The following CCDC141 variants were observed in gnomAD, a reference collection of about 807,000 sequenced individuals.
CCDC141 encodes the protein coiled-coil domain containing 141.
CCDC141 carries 168 observed loss-of-function variants against 181.0 expected under a neutral mutation model. That is an observed-to-expected ratio of 0.93 (90% CI 0.82 to 1.05). The LOEUF (loss-of-function observed/expected upper bound fraction) is 1.05. CCDC141 is among the 50% of genes least tolerant of loss of function. The pLI is 0.00. For synonymous variants in CCDC141, 666 were observed against 642.3 expected, an observed-to-expected ratio of 1.04 and a Z score of -0.56; for missense variants, 1,902 against 1,788.5, an observed-to-expected ratio of 1.06 and a Z score of -1.14.
chr2:178,865,643 TCTC>T, intron 17 of CCDC141, 121 bp downstream of exon 17: 1 of 923,366 alleles, frequency 1.1e-6, no homozygotes, highest in Admixed American at 3.1e-5. Flanking sequence ...GAGAAGAAAG[TCTC>T]CTGATTCATT....
chr2:178,848,040 T>C (rs1468314652), intron 21 of CCDC141, among the ~76,000 whole-genome samples: 2 of 152,174 alleles, frequency 1.3e-5, no homozygotes, highest in African/African-American at 4.8e-5. Context: ...GCATTTGGCA[T>C]AGCAGCCAGG....
At chr2:178,997,724 A>G (rs1692350835) in intron 2 of CCDC141, among the ~76,000 whole-genome samples, 1 of 152,194 alleles carries the variant, frequency 6.6e-6, no homozygotes, top group African/African-American at 2.4e-5. Context: ...CAATGGTGGG[A>G]AAACCATTGA....
chr2:179,035,801 A>G (rs2043129247), intron 2 of CCDC141, among the ~76,000 whole-genome samples: 1 of 152,182 alleles, frequency 6.6e-6, no homozygotes, highest in Non-Finnish European at 1.5e-5. Flanking sequence ...AATATGGCAC[A>G]GCATCATCAT....
intron 7 of CCDC141, among the ~76,000 whole-genome samples, chr2:178,910,792 G>T (rs1309365810): frequency 6.6e-6 from 1 of 152,204 alleles, no homozygotes; most frequent in African/African-American, 2.4e-5. Context: ...CTTGTTCCAG[G>T]GTGAATTCAT....
the CCDC141 span, chr2:178,817,468 TAG>T: frequency 2.1e-6 from 1 of 469,116 alleles, no homozygotes; most frequent in Admixed American, 2.4e-5. Flanking sequence ...TAGAAAAACA[TAG>T]AGTTATGAAA....
chr2:178,982,623 C>G (rs189876278), intron 2 of CCDC141, among the ~76,000 whole-genome samples: 1 of 139,034 alleles, frequency 7.2e-6, no homozygotes, highest in Admixed American at 7.8e-5. Flanking sequence ...ATGTGCGAAC[C>G]GAAGCAGAGC....
intron 2 of CCDC141, among the ~76,000 whole-genome samples, chr2:179,015,944 A>C (rs1376000162): frequency 1.5e-5 from 2 of 132,284 alleles, no homozygotes; most frequent in Non-Finnish European, 3.2e-5. Context: ...CATATATATC[A>C]TATATATCTC....
In CCDC141 at chr2:178,888,428, G is replaced by C. The variant is rs1686988171; in HGVS notation, c.1407+99C>G. The C allele has an allele frequency of 3.7e-6, 4 of 1,076,002 alleles. No individual in the cohort carries two copies. The Admixed American group carries it at 6.2e-5, about 17-fold the overall frequency. 66.7% of individuals were successfully genotyped at this position (1,076,002 alleles called of 1,614,324 possible). ...AATGTGGTACATAAGGGCAGCCTAA[G>C]GAGACATGCCCCTGTCCTCCCGCCA... On this transcript the variant is annotated intron_variant, in intron 9 of 23. Coordinates refer to ENST00000443758, the MANE Select transcript of CCDC141 (RefSeq NM_173648.4).
intron 22 of CCDC141, among the ~76,000 whole-genome samples, chr2:178,838,922 C>T (rs759214838): frequency 6.6e-6 from 1 of 152,184 alleles, no homozygotes; most frequent in Non-Finnish European, 1.5e-5. Flanking sequence ...GAAAAGCGAT[C>T]TTATCTATCC....
chr2:178,937,078 T>C (rs200089717), intron 6 of CCDC141, among the ~76,000 whole-genome samples: 2 of 152,158 alleles, frequency 1.3e-5, no homozygotes, highest in Non-Finnish European at 2.9e-5. Flanking sequence ...TGGATGCACT[T>C]TATTTCTTTC....
intron 2 of CCDC141, among the ~76,000 whole-genome samples, chr2:179,015,519 A>ACATATATCT (rs2042474396): frequency 9.9e-6 from 1 of 101,112 alleles, no homozygotes; most frequent in Non-Finnish European, 2.0e-5. Context: ...TATATGTATC[A>ACATATATCT]CATATATCTC....
chr2:178,888,711 T>C (rs771364775), intron 8 of CCDC141, 43 bp from the exon 9 acceptor site: 5 of 1,546,340 alleles, frequency 3.2e-6, no homozygotes, highest in Admixed American at 3.9e-5. Flanking sequence ...CACCCCAATA[T>C]AGAACACAGA....
intron 2 of CCDC141, among the ~76,000 whole-genome samples, chr2:179,000,412 A>G (rs1474909623): frequency 1.3e-5 from 2 of 152,172 alleles, no homozygotes; most frequent in Admixed American, 1.3e-4. Context: ...ATTCTAAAAT[A>G]TTTACCTAAA....
chr2:179,020,889 T>C (rs2042674376), intron 2 of CCDC141, among the ~76,000 whole-genome samples: 1 of 152,170 alleles, frequency 6.6e-6, no homozygotes, highest in South Asian at 2.1e-4. Context: ...GGGTTAGCCA[T>C]AAATGTTGAT....
At chr2:178,880,209 C>G (rs1296817201) in intron 11 of CCDC141, among the ~76,000 whole-genome samples, 2 of 152,204 alleles carry the variant, frequency 1.3e-5, no homozygotes, top group East Asian at 1.9e-4. Context: ...AAATGAGAAC[C>G]ATATTATTAT....
intron 5 of CCDC141, among the ~76,000 whole-genome samples, chr2:178,945,097 T>C (rs1418677978): frequency 6.6e-6 from 1 of 152,176 alleles, no homozygotes; most frequent in Non-Finnish European, 1.5e-5. Flanking sequence ...TGCAGAAATA[T>C]TTAGTTTGCT....
At position 178,878,146 on chromosome 2, in the gene CCDC141, A is replaced by G. The variant is rs750449067; in HGVS notation, c.1720-3T>C. 116 of 1,579,674 alleles carry G rather than the reference A, an allele frequency of 7.3e-5. No homozygotes were observed. Among genetic ancestry groups the G allele is most frequent in the Non-Finnish European group, 9.7e-5 (113 of 1,168,938 alleles). On this transcript the variant is annotated splice_polypyrimidine_tract_variant and splice_region_variant and intron_variant, in intron 11 of 23. Coordinates refer to ENST00000443758, the MANE Select transcript of CCDC141 (RefSeq NM_173648.4). The stretch of plus-strand genomic sequence containing the variant: ...AAGCTCTGAAACTGCATCTCTACCT[A>G]AAAAAGAAAAAAGAGAGTTAAGAAC...
the CCDC141 span, chr2:178,817,376 A>G: frequency 2.6e-6 from 1 of 388,710 alleles, no homozygotes; most frequent in Non-Finnish European, 5.1e-6. Context: ...AAATATAAGA[A>G]TTTAGCTGAA....
At chr2:178,934,358 C>T (rs901183989) in intron 6 of CCDC141, among the ~76,000 whole-genome samples, 1 of 152,106 alleles carries the variant, frequency 6.6e-6, no homozygotes, top group Non-Finnish European at 1.5e-5. Flanking sequence ...CCTCCTACAA[C>T]AAATTCTGAG....
Sources: gnomAD v4.1 joint callset for allele counts (sites outside exome capture counted in the v4.1 genomes callset) on GRCh38, gnomAD v4.1.1 for gene constraint, MANE v1.5 for transcripts, NCBI Gene and HGNC (gene_info 2026-07-23, HGNC 2026-07-21) for gene names.